Variants in KLF12 observed in about 807,000 individuals in gnomAD.
The protein encoded by KLF12 is Krueppel-like factor 12.
KLF12 carries 9 observed loss-of-function variants against 37.8 expected under a neutral mutation model. The ratio of observed to expected loss-of-function variants is 0.24; its 90% confidence interval spans 0.14 to 0.42. The LOEUF is 0.42. Ranked by LOEUF, KLF12 falls within the 10% of genes least tolerant of loss-of-function variation. The pLI is 1.00. For synonymous variants in KLF12, 208 were observed against 202.1 expected, an observed-to-expected ratio of 1.03 and a Z score of -0.25; for missense variants, 411 against 516.0, an observed-to-expected ratio of 0.80 and a Z score of 1.97.
the KLF12 span, among the ~76,000 whole-genome samples, chr13:74,215,064 G>A: frequency 6.6e-6 from 1 of 152,234 alleles, no homozygotes; most frequent in Admixed American, 6.5e-5. Context: ...AAAGTGCTGG[G>A]ATTACAGGGT....
chr13:73,711,564 T>A (rs192506980), intron 7 of KLF12, among the ~76,000 whole-genome samples: 2 of 152,318 alleles, frequency 1.3e-5, no homozygotes, highest in Admixed American at 1.3e-4. Context: ...GCTTGGATTT[T>A]ACAGCATGGT....
intron 1 of KLF12, among the ~76,000 whole-genome samples, chr13:74,117,685 G>A (rs752952711): frequency 6.6e-6 from 1 of 152,122 alleles, no homozygotes; most frequent in Non-Finnish European, 1.5e-5. Context: ...ATCATGATAT[G>A]ATACAATGAT....
intron 1 of KLF12, among the ~76,000 whole-genome samples, chr13:74,035,204 T>C (rs1893216983): frequency 6.6e-6 from 1 of 152,236 alleles, no homozygotes; most frequent in Non-Finnish European, 1.5e-5. Flanking sequence ...GCATATAACC[T>C]ATGCATATCC....
At chr13:74,147,343 C>T in the KLF12 span, among the ~76,000 whole-genome samples, 1 of 151,808 alleles carries the variant, frequency 6.6e-6, no homozygotes, top group Admixed American at 6.7e-5. Context: ...GGTGCTCCTA[C>T]ACAAAGAGTT....
chr13:74,221,604 T>C, the KLF12 span, among the ~76,000 whole-genome samples: 1 of 152,226 alleles, frequency 6.6e-6, no homozygotes, highest in Non-Finnish European at 1.5e-5. Context: ...TTTCTATTAC[T>C]CTATTTTTTC....
chr13:73,772,477 A>G (rs1317718589), intron 5 of KLF12, among the ~76,000 whole-genome samples: 1 of 152,240 alleles, frequency 6.6e-6, no homozygotes, highest in Non-Finnish European at 1.5e-5. Flanking sequence ...TCCGTAGGAC[A>G]ATGAAGGAGG....
At chr13:74,023,542 C>T (rs1188705518) in intron 1 of KLF12, among the ~76,000 whole-genome samples, 2 of 152,168 alleles carry the variant, frequency 1.3e-5, no homozygotes, top group Non-Finnish European at 2.9e-5. Context: ...CTCTGAGTTT[C>T]TGGTGGTTCC....
intron 7 of KLF12, among the ~76,000 whole-genome samples, chr13:73,707,966 A>G (rs1409818807): frequency 6.6e-6 from 1 of 152,214 alleles, no homozygotes; most frequent in African/African-American, 2.4e-5. Flanking sequence ...GTGTGTGTGC[A>G]TTCCAAATAT....
chr13:73,915,164 C>A (rs965568792), intron 3 of KLF12, among the ~76,000 whole-genome samples: 1 of 152,192 alleles, frequency 6.6e-6, no homozygotes, highest in African/African-American at 2.4e-5. Context: ...CATCCTCACA[C>A]TGTCTTCTCT....
intron 1 of KLF12, among the ~76,000 whole-genome samples, chr13:74,106,204 A>G (rs187730039): frequency 6.6e-6 from 1 of 152,356 alleles, no homozygotes; most frequent in Admixed American, 6.5e-5. Flanking sequence ...GGAGAGCCTT[A>G]AACAGGTACC....
the KLF12 span, among the ~76,000 whole-genome samples, chr13:74,270,942 T>C: frequency 6.6e-6 from 1 of 152,134 alleles, no homozygotes; most frequent in African/African-American, 2.4e-5. Flanking sequence ...AGAACAGCAG[T>C]CCTCAACCCC....
chr13:73,816,577 T>C (rs1266129327), intron 4 of KLF12, among the ~76,000 whole-genome samples: 1 of 152,220 alleles, frequency 6.6e-6, no homozygotes, highest in Non-Finnish European at 1.5e-5. Flanking sequence ...ACTCTGATTT[T>C]CAAATACTCT....
intron 3 of KLF12, among the ~76,000 whole-genome samples, chr13:73,856,296 T>C (rs1594175787): frequency 1.3e-5 from 2 of 152,194 alleles, no homozygotes; most frequent in African/African-American, 4.8e-5. Context: ...CAGCTCAATG[T>C]TCCTCTTGGC....
chr13:74,083,493 GACACACACACACACACACACAC>G (rs61312097), intron 1 of KLF12, among the ~76,000 whole-genome samples: 96 of 136,518 alleles, frequency 7.0e-4, no homozygotes, highest in African/African-American at 2.7e-3. Flanking sequence ...GGCGATAGGA[GACACACACACACACACACACAC>G]ACACACACAC....
chr13:73,957,399 G>C (rs905036223), intron 2 of KLF12, among the ~76,000 whole-genome samples: 4 of 152,130 alleles, frequency 2.6e-5, no homozygotes, highest in African/African-American at 9.7e-5. Flanking sequence ...TCAAGCAATG[G>C]AAACTGAAAG....
intron 5 of KLF12, among the ~76,000 whole-genome samples, chr13:73,774,742 G>A (rs1181796732): frequency 6.6e-6 from 1 of 151,962 alleles, no homozygotes; most frequent in African/African-American, 2.4e-5. Flanking sequence ...GGGCTTTGCT[G>A]GGATAATAAT....
At chr13:73,758,253 G>T (rs1039817377) in intron 6 of KLF12, among the ~76,000 whole-genome samples, 13 of 152,052 alleles carry the variant, frequency 8.5e-5, no homozygotes, top group African/African-American at 3.1e-4. Context: ...TTGGGATGGA[G>T]AATAACCCAC....
intron 1 of KLF12, among the ~76,000 whole-genome samples, chr13:74,081,412 G>C (rs958949426): frequency 6.6e-6 from 1 of 152,016 alleles, no homozygotes; most frequent in Non-Finnish European, 1.5e-5. Flanking sequence ...TAGATTTCAG[G>C]ACTAATCATT....
In KLF12 at chr13:73,978,694, T is replaced by C. The variant is rs145629233; in HGVS notation, c.33+16296A>G. 1.1e-3 allele frequency among the ~76,000 whole-genome samples: 175 copies of C among 152,334 alleles called. 2 individuals carry two copies. Among genetic ancestry groups the C allele is most frequent in the African/African-American group, 4.1e-3 (169 of 41,570 alleles). On this transcript the variant is annotated intron_variant, in intron 2 of 7. Transcript: ENST00000377669. ...TTTAGCCAAATGAGTTGAAAACTTA[T>C]ATATATCTACACAAAAATATGCATA...
Sources: allele counts gnomAD v4.1 joint callset (sites outside exome capture counted in the v4.1 genomes callset), GRCh38; gene constraint gnomAD v4.1.1; transcripts MANE v1.5; gene names NCBI Gene and HGNC (gene_info 2026-07-23, HGNC 2026-07-21).